The following DNASE1 variants were observed in gnomAD, a reference collection of about 807,000 sequenced individuals.
DNASE1 encodes the protein deoxyribonuclease-1.
A neutral mutation model predicts 33.9 loss-of-function variants in DNASE1; 40 were observed. The ratio of observed to expected loss-of-function variants is 1.18; its 90% CI spans 0.92 to 1.54. DNASE1 has a LOEUF of 1.54. DNASE1 is among the 40% of genes most tolerant of loss of function. The pLI is 0.00. For missense variants in DNASE1, 518 were observed against 372.6 expected (o/e 1.39, Z -3.21); for synonymous variants, 216 against 160.0 (o/e 1.35, Z -2.64).
chr16:3,620,582 G>T (rs1379347848), intron 1 of DNASE1, among the ~76,000 whole-genome samples: 1 of 151,756 alleles, frequency 6.6e-6, no homozygotes, highest in East Asian at 1.9e-4. Flanking sequence ...TAAGTCAGTA[G>T]ATAGGAAGCC....
At chr16:3,657,575 G>T (rs2042763437) in intron 7 of DNASE1, 145 bp from the exon 8 acceptor site, 1 of 1,248,294 alleles carries the variant, frequency 8.0e-7, no homozygotes, top group African/African-American at 1.5e-5. Flanking sequence ...TTTCCACATT[G>T]AGGGGCACAG....
downstream of DNASE1, chr16:3,659,776 G>C (rs561521501): frequency 2.7e-5 from 4 of 149,566 alleles, no homozygotes; most frequent in East Asian, 3.9e-4. Flanking sequence ...TAGATAGATA[G>C]ATAGACTCTC....
chr16:3,623,051 C>G (rs773907587), intron 1 of DNASE1, among the ~76,000 whole-genome samples: 10 of 151,972 alleles, frequency 6.6e-5, no homozygotes, highest in South Asian at 2.1e-4. Context: ...CCACGTCCCC[C>G]CAAAAAAATT....
downstream of DNASE1, chr16:3,661,993 T>A (rs758506078): frequency 1.9e-6 from 3 of 1,605,872 alleles, no homozygotes; most frequent in African/African-American, 1.3e-5. Flanking sequence ...TCACCTGGGG[T>A]TGATCTCCAG....
exon 10 of DNASE1, chr16:3,663,863 GGA>G (rs1411703061): frequency 5.0e-6 from 2 of 402,768 alleles, no homozygotes; most frequent in Non-Finnish European, 9.1e-6. Context: ...CATGAGGTCA[GGA>G]GTTCGAGACC....
chr16:3,663,604 T>C (rs771195583), exon 10 of DNASE1: 6 of 1,609,188 alleles, frequency 3.7e-6, no homozygotes, highest in Non-Finnish European at 2.5e-6. Flanking sequence ...CCCGGGGGCC[T>C]CCAGCCACCA....
At position 3,656,700 on chromosome 16, in the gene DNASE1, A is replaced by G; in HGVS notation, c.383A>G (p.Asn128Ser). Residue 128 changes from asparagine to serine, a missense_variant, in exon 5 of 9, where the codon AAC becomes AGC. By Grantham distance (46) the Asn-to-Ser change is conservative (BLOSUM62 1). Coordinates refer to ENST00000246949, the MANE Select transcript of DNASE1 (RefSeq NM_005223.4). ...YYDDGCEPCG[N>S]DTFNREPAIV... ...GATGATGGCTGCGAGCCCTGCGGGA[A>G]CGACACCTTCAACCGAGAGCCAGCC... is the stretch of plus-strand genomic sequence containing the variant. 6.2e-7 allele frequency: 1 copy of G among 1,613,068 alleles called. No homozygotes were observed. Among genetic ancestry groups the G allele is most frequent in the South Asian group, 1.1e-5 (1 of 90,810 alleles).
chr16:3,661,657 A>G (rs145531299), downstream of DNASE1: 229 of 277,778 alleles, frequency 8.2e-4, no homozygotes, highest in African/African-American at 4.7e-3. Context: ...AGACTTCAGC[A>G]AACACCAAGA....
At chr16:3,662,135 G>A (rs372686543), downstream of DNASE1, 3 of 1,610,616 alleles carry the variant, frequency 1.9e-6, no homozygotes, top group Non-Finnish European at 2.5e-6. Flanking sequence ...AGGGTCACCT[G>A]TGAGCAAAGC....
In DNASE1 at chr16:3,655,408, C is replaced by T. The variant is rs1315648724; in HGVS notation, c.35C>T (p.Ala12Val). 1 of 1,614,102 alleles carries T rather than the reference C, an allele frequency of 6.2e-7. No homozygotes were observed. The highest frequency in any genetic ancestry group is 1.1e-5 in the South Asian group (1 of 91,084). The change falls in exon 2 of 9, where the codon GCA becomes GTA. Residue 12 changes from alanine to valine, a missense_variant. Transcript: ENST00000246949. Reference sequence around the variant, plus strand: ...ATGAAGCTGCTGGGGGCGCTGCTGGCACTGGCGGCCCTACTGCAGGGGGCC... The same window carrying T: ...ATGAAGCTGCTGGGGGCGCTGCTGGTACTGGCGGCCCTACTGCAGGGGGCC... Reference protein sequence around the residue: ...RGMKLLGALLALAALLQGAVS... With the variant: ...RGMKLLGALLVLAALLQGAVS...
At chr16:3,615,971 A>G (rs1310898057) in intron 1 of DNASE1, among the ~76,000 whole-genome samples, 1 of 152,212 alleles carries the variant, frequency 6.6e-6, no homozygotes, top group East Asian at 1.9e-4. Context: ...GGGAGACAGC[A>G]GATTGAACAA....
chr16:3,629,631 G>T (rs1017809029), intron 1 of DNASE1, among the ~76,000 whole-genome samples: 1 of 152,112 alleles, frequency 6.6e-6, no homozygotes, highest in Non-Finnish European at 1.5e-5. Context: ...CACTTTTTTG[G>T]AAAAGTTTTG....
chr16:3,636,039 T>G (rs912563428), intron 1 of DNASE1, among the ~76,000 whole-genome samples: 2 of 152,244 alleles, frequency 1.3e-5, no homozygotes, highest in Admixed American at 1.3e-4. Context: ...CATTTCTGCC[T>G]GTCATCATCT....
upstream of DNASE1, among the ~76,000 whole-genome samples, chr16:3,638,104 AGTGTGTGTGT>A (rs58884007): frequency 0.013 from 1,929 of 143,552 alleles, 26 homozygotes; most frequent in Non-Finnish European, 0.019. Context: ...AGTTTTTGTG[AGTGTGTGTGT>A]GTGTGTGTGT....
At chr16:3,612,484 C>T (rs2040921441) in intron 1 of DNASE1, among the ~76,000 whole-genome samples, 1 of 150,084 alleles carries the variant, frequency 6.7e-6, no homozygotes, top group African/African-American at 2.5e-5. Flanking sequence ...CTCCTGACCT[C>T]AGGTGATCCG....
chr16:3,663,340 C>T (rs2050732464), exon 10 of DNASE1: 2 of 1,569,358 alleles, frequency 1.3e-6, no homozygotes, highest in Non-Finnish European at 1.7e-6. Context: ...TGACGAAAAC[C>T]CAAAGGAAGC....
chr16:3,658,374 C>T (rs1432755264), downstream of DNASE1: 2 of 682,402 alleles, frequency 2.9e-6, no homozygotes, highest in Non-Finnish European at 5.0e-6. Flanking sequence ...GATCCCCCCG[C>T]CTCCCAAAGT....
upstream of DNASE1, chr16:3,640,609 C>CA (rs1469890838): frequency 2.5e-6 from 1 of 397,578 alleles, no homozygotes; most frequent in Non-Finnish European, 4.4e-6. Flanking sequence ...AGTATATAAA[C>CA]AGAGAACAAA....
upstream of DNASE1, among the ~76,000 whole-genome samples, chr16:3,638,760 A>G (rs1193570499): frequency 6.6e-6 from 1 of 152,214 alleles, no homozygotes; most frequent in Admixed American, 6.5e-5. Flanking sequence ...AGGACTTCCA[A>G]TTATGTGCAC....
Sources: allele counts gnomAD v4.1 joint callset (sites outside exome capture counted in the v4.1 genomes callset), GRCh38; gene constraint gnomAD v4.1.1; transcripts MANE v1.5; gene names NCBI Gene and HGNC (gene_info 2026-07-23, HGNC 2026-07-21).